The following ABHD2 variants were observed in gnomAD, a reference collection of about 807,000 sequenced individuals.
The protein encoded by ABHD2 is abhydrolase domain containing 2, acylglycerol lipase.
ABHD2 carries 20 observed loss-of-function variants against 48.1 expected under a neutral mutation model. That is an observed-to-expected ratio of 0.42 (90% CI 0.29 to 0.60). ABHD2 has a LOEUF of 0.60. Ranked by LOEUF, ABHD2 falls within the 20% of genes least tolerant of loss-of-function variation. The pLI is 0.24. For synonymous variants in ABHD2, 209 were observed against 214.2 expected (o/e 0.98, Z 0.21); for missense variants, 405 against 550.9 (o/e 0.74, Z 2.65).
rs923509080 is a variant in ABHD2, at chr15:89,173,447, C to T, written c.539-2365C>T. Among the ~76,000 whole-genome samples the T allele has an allele frequency of 4.6e-5, 7 of 152,296 alleles. No homozygotes were observed. The highest frequency in any genetic ancestry group is 1.2e-4 in the African/African-American group (5 of 41,562). On this transcript the variant is annotated intron_variant, in intron 5 of 10. Coordinates refer to ENST00000352732, the MANE Select transcript of ABHD2 (RefSeq NM_152924.5). The surrounding 1 kb of genome is among the most constrained non-coding windows in gnomAD (Gnocchi z 6.5). Reference sequence around the variant, plus strand: ...AATTAGCTGGACATGGTGGCACATGCCTGTAACCCCAGCTACTCAGGGGGC... The same window carrying T: ...AATTAGCTGGACATGGTGGCACATGTCTGTAACCCCAGCTACTCAGGGGGC...
chr15:89,064,724 A>T, the ABHD2 span, among the ~76,000 whole-genome samples: 1 of 152,200 alleles, frequency 6.6e-6, no homozygotes, highest in Non-Finnish European at 1.5e-5. Context: ...AACAATGAAC[A>T]CTTGATTATT....
chr15:89,053,110 G>A, the ABHD2 span, among the ~76,000 whole-genome samples: 1 of 151,998 alleles, frequency 6.6e-6, no homozygotes, highest in South Asian at 2.1e-4. Flanking sequence ...GGGACTACAG[G>A]CACGTGCCAC....
the ABHD2 span, among the ~76,000 whole-genome samples, chr15:89,078,892 G>A: frequency 1.3e-5 from 2 of 152,002 alleles, no homozygotes; most frequent in African/African-American, 2.4e-5. Context: ...CACCAAGCCT[G>A]GCTAATTTTT....
At chr15:89,064,232 T>TTC in the ABHD2 span, among the ~76,000 whole-genome samples, 1 of 150,172 alleles carries the variant, frequency 6.7e-6, no homozygotes, top group African/African-American at 2.5e-5. Flanking sequence ...TTTTTTTTTT[T>TTC]TTTTTTACAC....
At position 89,135,818 on chromosome 15, in the gene ABHD2, G is replaced by C; in HGVS notation, c.195-15859G>C. ...TGCAACATCATTAGTGGACAGGCCA[G>C]ATGTTCTCCTTTGATATTTGGGCGA... On this transcript the variant is annotated intron_variant, in intron 3 of 10. Transcript: ENST00000352732. 7.8e-6 allele frequency: 6 copies of C among 770,016 alleles called. No homozygotes were observed. The South Asian group carries it at 8.3e-5, about 11-fold the overall frequency. The allele number at this position is 770,016 out of a possible 1,614,324, so 47.7% of individuals were successfully genotyped here. A position where few individuals can be genotyped will look rare whatever the true frequency, so the allele number is the denominator to read the frequency against.
rs2049680001 is a variant in ABHD2 at position 89,100,215 on chromosome 15, T to A, written c.-107+11652T>A. Among the ~76,000 whole-genome samples the A allele has an allele frequency of 6.6e-6, 1 of 152,120 alleles. No homozygotes were observed. The highest frequency in any genetic ancestry group is 1.5e-5 in the Non-Finnish European group (1 of 68,026). ...GCTCTGGACTGGGATCTTCCAGCCT[T>A]GGTGAATGAAGTCTCTCCTTTGTCT... On this transcript the variant is annotated intron_variant, in intron 1 of 10. Transcript: ENST00000352732. This position sits in a 1 kb window ranked among gnomAD's most constrained non-coding sequence, Gnocchi z 4.4.
rs982095716 is a variant in ABHD2, at chr15:89,116,972, A to T, written c.194+451A>T. 6.6e-6 allele frequency among the ~76,000 whole-genome samples: 1 copy of T among 152,212 alleles called. No homozygotes were observed. Among genetic ancestry groups the T allele is most frequent in the African/African-American group, 2.4e-5 (1 of 41,452 alleles). ...AATGTACCAAGCATTAGCTAAGAGA[A>T]TGCACTTAAAGAGAGTGCTTTGTAT... On this transcript the variant is annotated intron_variant, in intron 3 of 10. Coordinates refer to ENST00000352732, the MANE Select transcript of ABHD2 (RefSeq NM_152924.5). The surrounding 1 kb of genome is among the most constrained non-coding windows in gnomAD (Gnocchi z 4.6).
At chr15:89,124,353 C>A (rs949051540) in intron 3 of ABHD2, among the ~76,000 whole-genome samples, 8 of 152,202 alleles carry the variant, frequency 5.3e-5, no homozygotes, top group African/African-American at 1.9e-4. Context: ...GTTGTTTTCT[C>A]AATCTTAAAG....
chr15:89,199,609 T>G lies in ABHD2; in HGVS notation c.*4186T>G, dbSNP rs1305963040. 1 of 149,934 alleles carries G rather than the reference T, an allele frequency of 6.7e-6. No individual in the cohort carries two copies. The highest frequency in any genetic ancestry group is 2.5e-5 in the African/African-American group (1 of 40,476). The allele number at this position is 149,934 out of a possible 1,614,324, so 9.3% of individuals were successfully genotyped here. On this transcript the variant is annotated 3_prime_UTR_variant, in exon 11 of 11. Transcript: ENST00000352732. The surrounding 1 kb of genome is among the most constrained non-coding windows in gnomAD (Gnocchi z 4.1). ...TGCCCCCACCCCTCCCTCAACAATA[T>G]GAGTGATCCAGAACTGGCCCAAACA...
chr15:89,103,267 G>A (rs570382181), intron 1 of ABHD2, among the ~76,000 whole-genome samples: 247 of 152,210 alleles, frequency 1.6e-3, no homozygotes, highest in Admixed American at 4.0e-3. Flanking sequence ...ATTTAATAAA[G>A]CAGCTTTCTG....
In ABHD2 at chr15:89,097,871, G is replaced by T. The variant is rs1358018459; in HGVS notation, c.-107+9308G>T. ...CTCCTTGTTTTAGTCACTTAACATG[G>T]AATTATACATGTTAGCAAATTTCTT... On this transcript the variant is annotated intron_variant, in intron 1 of 10. Coordinates refer to ENST00000352732, the MANE Select transcript of ABHD2 (RefSeq NM_152924.5). The surrounding 1 kb of genome is among the most constrained non-coding windows in gnomAD (Gnocchi z 4.2). Among the ~76,000 whole-genome samples the T allele has an allele frequency of 6.6e-6, 1 of 152,024 alleles. No homozygotes were observed. Among genetic ancestry groups the T allele is most frequent in the African/African-American group, 2.4e-5 (1 of 41,374 alleles).
chr15:89,085,725 C>T (rs1006779023), upstream of ABHD2, among the ~76,000 whole-genome samples: 2 of 152,192 alleles, frequency 1.3e-5, no homozygotes, highest in Admixed American at 6.5e-5. The surrounding 1 kb of genome is among the most constrained non-coding windows in gnomAD (Gnocchi z 4.2). Flanking sequence ...TACACAATGG[C>T]GAGCCCATCT....
chr15:89,104,758 A>C lies in ABHD2; in HGVS notation c.-106-8967A>C, dbSNP rs112865963. On this transcript the variant is annotated intron_variant, in intron 1 of 10. Coordinates refer to ENST00000352732, the MANE Select transcript of ABHD2 (RefSeq NM_152924.5). The surrounding 1 kb of genome is among the most constrained non-coding windows in gnomAD (Gnocchi z 4.4). Reference sequence around the variant, plus strand: ...GTCTTGCCCTCCCACCCCCATCTCCATTTCCTCCTTCTGGAAGCTTATTTC... The same window carrying C: ...GTCTTGCCCTCCCACCCCCATCTCCCTTTCCTCCTTCTGGAAGCTTATTTC... Among the ~76,000 whole-genome samples the C allele has an allele frequency of 9.2e-3, 1,402 of 152,168 alleles. 24 individuals carry two copies. Among genetic ancestry groups the C allele is most frequent in the African/African-American group, 0.032 (1,330 of 41,522 alleles).
chr15:89,135,861 A>G (rs2050300851), intron 3 of ABHD2: 4 of 701,260 alleles, frequency 5.7e-6, no homozygotes, highest in East Asian at 2.5e-5. Context: ...AACAGAACAG[A>G]ACAGGACAGA....
At chr15:89,112,015 C>T (rs2049883433) in intron 1 of ABHD2, among the ~76,000 whole-genome samples, 1 of 151,934 alleles carries the variant, frequency 6.6e-6, no homozygotes, top group East Asian at 1.9e-4. Context: ...TAGAAGGGAC[C>T]TTAGATGCTT....
chr15:89,071,078 G>T, the ABHD2 span, among the ~76,000 whole-genome samples: 5 of 152,016 alleles, frequency 3.3e-5, no homozygotes, highest in East Asian at 1.9e-4. Flanking sequence ...AGTAGGGAAG[G>T]CACCAGGTTC....
intron 3 of ABHD2, chr15:89,136,436 C>T: frequency 2.1e-6 from 1 of 483,300 alleles, no homozygotes; most frequent in East Asian, 5.3e-5. Context: ...TACAAGTTTG[C>T]ACAAAAAATG....
chr15:89,132,354 C>G (rs2050233587), intron 3 of ABHD2, among the ~76,000 whole-genome samples: 1 of 152,162 alleles, frequency 6.6e-6, no homozygotes, highest in Admixed American at 6.5e-5. Flanking sequence ...TTTGCTCCCT[C>G]CCTTAACTAT....
At chr15:89,064,028 C>T in the ABHD2 span, among the ~76,000 whole-genome samples, 1 of 151,946 alleles carries the variant, frequency 6.6e-6, no homozygotes, top group Non-Finnish European at 1.5e-5. Flanking sequence ...CCCCCAAGCC[C>T]CTGACAACCA....
Sources: allele counts gnomAD v4.1 joint callset (sites outside exome capture counted in the v4.1 genomes callset), GRCh38; gene constraint gnomAD v4.1.1; non-coding constraint Gnocchi (gnomAD v3.1); transcripts MANE v1.5; gene names NCBI Gene and HGNC (gene_info 2026-07-23, HGNC 2026-07-21).